Variants in STAB1 observed in about 807,000 individuals in gnomAD.
STAB1 encodes the protein stabilin-1.
In STAB1, 250 loss-of-function variants were observed where a neutral mutation model predicts 332.4. The ratio of observed to expected loss-of-function variants is 0.75; its 90% confidence interval spans 0.68 to 0.84. The LOEUF (loss-of-function observed/expected upper bound fraction) is 0.84, where lower values mean the gene tolerates loss of function less well. Ranked by LOEUF, STAB1 falls within the 40% of genes least tolerant of loss-of-function variation. STAB1 has a pLI of 0.00. For synonymous variants in STAB1, 1,475 were observed against 1,390.4 expected, an observed-to-expected ratio of 1.06 and a Z score of -1.35; for missense variants, 3,249 against 3,489.7, an observed-to-expected ratio of 0.93 and a Z score of 1.74.
intron 45 of STAB1, 126 bp from the exon 46 acceptor site, chr3:52,518,186 C>G: frequency 6.6e-7 from 1 of 1,504,136 alleles, no homozygotes. Context: ...CTGACCCCAA[C>G]TCAGACCCCG....
chr3:52,505,608 C>A, intron 14 of STAB1, 60 bp from the exon 15 acceptor site: 1 of 1,545,752 alleles, frequency 6.5e-7, no homozygotes, highest in Non-Finnish European at 8.8e-7. Flanking sequence ...AGGGCCCAGG[C>A]AGGACTCAGA....
Position 52,502,981 on chromosome 3 carries a change from T to C in STAB1, c.584-18T>C. ...AGCCTGGGCTTGGGCTCATCAGTGCTCTCTCCACTCTGCGCAGAGCTGCCC... is the reference window on the plus strand; with the variant it reads ...AGCCTGGGCTTGGGCTCATCAGTGCCCTCTCCACTCTGCGCAGAGCTGCCC... On this transcript the variant is annotated intron_variant, in intron 6 of 68. Coordinates refer to ENST00000321725, the MANE Select transcript of STAB1 (RefSeq NM_015136.3). The C allele has an allele frequency of 6.5e-7, 1 of 1,534,082 alleles. No individual in the cohort carries two copies.
rs149349003 is a variant in STAB1, at chr3:52,519,474, G to A, written c.5176-31G>A. The A allele has an allele frequency of 1.7e-3, 2,745 of 1,613,004 alleles. 5 individuals carry two copies. The highest frequency in any genetic ancestry group is 2.2e-3 in the Non-Finnish European group (2,550 of 1,179,874). The stretch of plus-strand genomic sequence containing the variant: ...GGCCTGGGATCCTCCCTTCCCGCCT[G>A]GCCTAGCTGTTTATGAGAGCCTTTC... On this transcript the variant is annotated intron_variant, in intron 49 of 68. Transcript: ENST00000321725.
At chr3:52,515,924 G>A (rs2078845615) in intron 37 of STAB1, 119 bp from the exon 38 acceptor site, 2 of 1,147,510 alleles carry the variant, frequency 1.7e-6, no homozygotes, top group African/African-American at 1.6e-5. Flanking sequence ...TCATCCCTGG[G>A]ACTGGGGTTC....
At chr3:52,508,220 G>A in intron 20 of STAB1, 53 bp from the exon 21 acceptor site, 1 of 1,547,638 alleles carries the variant, frequency 6.5e-7, no homozygotes, top group Non-Finnish European at 8.8e-7. Context: ...GGCAGCCTGG[G>A]CAGGGAGGGC....
chr3:52,495,449 C>A lies in STAB1; in HGVS notation c.36C>A (p.Leu12=). The part of the protein sequence containing the change: ...AGPRGLLPLC[L]LAFCLAGFSF... ...CCCGGGGCCTCCTCCCACTCTGCCT[C>A]CTGGCCTTCTGCCTGGCAGGCTTCA... Residue 12 remains leucine, a synonymous_variant, in exon 1 of 69, where the codon CTC becomes CTA. Coordinates refer to ENST00000321725, the MANE Select transcript of STAB1 (RefSeq NM_015136.3). 7.4e-7 allele frequency: 1 copy of A among 1,344,644 alleles called. No homozygotes were observed. Among genetic ancestry groups the A allele is most frequent in the South Asian group, 2.4e-5 (1 of 41,100 alleles). 83.3% of individuals were successfully genotyped at this position (1,344,644 alleles called of 1,614,324 possible).
In STAB1 at chr3:52,523,048, G is replaced by A. The variant is rs1416754179; in HGVS notation, c.6934G>A (p.Gly2312Ser). The change falls in exon 63 of 69, where the codon GGC becomes AGC. Residue 2312 changes from glycine to serine, a missense_variant. Coordinates refer to ENST00000321725, the MANE Select transcript of STAB1 (RefSeq NM_015136.3). The part of the protein sequence containing the change: ...VQDVACRCRN[G>S]FVGDGISTCN... ...AGATGTGGCCTGCCGATGCCGAAAT[G>A]GCTTCGTGGGTGACGGGATCAGCAC... 1.3e-6 allele frequency: 2 copies of A among 1,570,566 alleles called. No homozygotes were observed. Among genetic ancestry groups the A allele is most frequent in the East Asian group, 2.2e-5 (1 of 44,474 alleles).
In STAB1 at chr3:52,502,227, G is replaced by A. The variant is rs201092493; in HGVS notation, c.486G>A (p.Ser162=). The A allele has an allele frequency of 5.5e-5, 88 of 1,611,144 alleles. 1 individual carries two copies. In the East Asian group the frequency reaches 1.1e-3, roughly 20 times the overall value. The change falls in exon 5 of 69, where the codon TCG becomes TCA. Residue 162 remains serine (S), a splice_region_variant and synonymous_variant. Transcript: ENST00000321725. The part of the protein sequence containing the change: ...DPNRFGPDCQ[S]VCSCVHGVCN... ...ACCGGTTCGGGCCTGACTGCCAATCGGGTGAGTGCTTAAAAGGCAAGAGGG... is the reference window on the plus strand; with the variant it reads ...ACCGGTTCGGGCCTGACTGCCAATCAGGTGAGTGCTTAAAAGGCAAGAGGG...
chr3:52,518,643 G>A, intron 47 of STAB1, 30 bp downstream of exon 47: 1 of 1,611,066 alleles, frequency 6.2e-7, no homozygotes, highest in Non-Finnish European at 8.5e-7. Context: ...AGGCTGGGCA[G>A]GGCTGGGTGC....
At chr3:52,512,299 C>T (rs1293537033) in intron 26 of STAB1, 42 bp from the exon 27 acceptor site, 2 of 1,586,700 alleles carry the variant, frequency 1.3e-6, no homozygotes, top group Non-Finnish European at 1.7e-6. Context: ...GCCCAGCTGC[C>T]ATCTGGTTCT....
At position 52,512,377 on chromosome 3, in the gene STAB1, T is replaced by C; in HGVS notation, c.2920T>C (p.Cys974Arg). The C allele has an allele frequency of 3.1e-6, 5 of 1,611,730 alleles. No homozygotes were observed. Among genetic ancestry groups the C allele is most frequent in the Non-Finnish European group, 4.2e-6 (5 of 1,179,262 alleles). ...CRAVGGGQRV[C>R]TCPPGFGGDG... Reference sequence around the variant, plus strand: ...GGCAGTGGGGGGAGGTCAGCGGGTCTGCACGTGCCCCCCTGGCTTTGGGGG... The same window carrying C: ...GGCAGTGGGGGGAGGTCAGCGGGTCCGCACGTGCCCCCCTGGCTTTGGGGG... The change falls in exon 27 of 69, where the codon TGC becomes CGC. Residue 974 changes from cysteine to arginine, a missense_variant. Physicochemically the swap from Cys to Arg is radical, Grantham distance 180. Transcript: ENST00000321725.
At position 52,506,779 on chromosome 3, in the gene STAB1, A is replaced by G; in HGVS notation, c.1918A>G (p.Ile640Val). The G allele has an allele frequency of 6.2e-7, 1 of 1,613,202 alleles. No homozygotes were observed. The highest frequency in any genetic ancestry group is 8.5e-7 in the Non-Finnish European group (1 of 1,179,944). Residue 640 changes from isoleucine (I) to valine (V), a missense_variant, in exon 18 of 69, where the codon ATC becomes GTC. By Grantham distance (29) the Ile-to-Val change is conservative. Coordinates refer to ENST00000321725, the MANE Select transcript of STAB1 (RefSeq NM_015136.3). ...ANGVIHMLDG[I>V]LLPPTILPIL... is the part of the protein sequence containing the mutation. ...TGGTGTGATCCACATGCTGGACGGCATCCTGCTGCCCCCGACCATCCTGCC... is the reference window on the plus strand; with the variant it reads ...TGGTGTGATCCACATGCTGGACGGCGTCCTGCTGCCCCCGACCATCCTGCC...
intron 14 of STAB1, 54 bp from the exon 15 acceptor site, chr3:52,505,614 T>G: frequency 1.3e-6 from 2 of 1,571,900 alleles, no homozygotes; most frequent in Non-Finnish European, 1.7e-6. Flanking sequence ...CAGGCAGGAC[T>G]CAGAGGTGGA....
intron 1 of STAB1, among the ~76,000 whole-genome samples, chr3:52,499,987 C>T (rs1319330038): frequency 6.6e-6 from 1 of 150,916 alleles, no homozygotes; most frequent in Non-Finnish European, 1.5e-5. Flanking sequence ...GCAGGAGGAT[C>T]GCCTGAGCCC....
chr3:52,501,273 G>A lies in STAB1; in HGVS notation c.186G>A (p.Glu62=). 6.2e-7 allele frequency: 1 copy of A among 1,613,530 alleles called. No individual in the cohort carries two copies. The highest frequency in any genetic ancestry group is 8.5e-7 in the Non-Finnish European group (1 of 1,180,012). ...CGTGTCCCTCAGGCTGGCTGCGGGA[G>A]CTCCCGGATCAGATAACCCAGGACT... ...KQTCPSGWLR[E]LPDQITQDCR... Residue 62 remains glutamate, a synonymous_variant, in exon 2 of 69, where the codon GAG becomes GAA. Coordinates refer to ENST00000321725, the MANE Select transcript of STAB1 (RefSeq NM_015136.3).
chr3:52,507,941 C>G lies in STAB1; in HGVS notation c.2063C>G (p.Pro688Arg). 6.2e-7 allele frequency: 1 copy of G among 1,613,504 alleles called. No homozygotes were observed. Among genetic ancestry groups the G allele is most frequent in the Non-Finnish European group, 8.5e-7 (1 of 1,179,898 alleles). ...PPNSVKLDIF[P>R]KECVYIHDPT... ...CATGGCCCACCCTAGGACATCTTCC[C>G]CAAGGAGTGTGTCTACATCCATGAC... The change falls in exon 20 of 69, where the codon CCC becomes CGC. Residue 688 changes from proline to arginine, a missense_variant. Physicochemically the swap from Pro to Arg is moderately radical, Grantham distance 103. Coordinates refer to ENST00000321725, the MANE Select transcript of STAB1 (RefSeq NM_015136.3).
At chr3:52,511,384 G>A (rs928166955) in intron 25 of STAB1, among the ~76,000 whole-genome samples, 1 of 152,194 alleles carries the variant, frequency 6.6e-6, no homozygotes, top group Non-Finnish European at 1.5e-5. Context: ...AGGGCCCCAG[G>A]CTCCAAGTGC....
intron 50 of STAB1, 180 bp downstream of exon 50, chr3:52,519,744 TG>T (rs1189790103): frequency 2.6e-6 from 3 of 1,136,110 alleles, no homozygotes; most frequent in Admixed American, 2.2e-5. Flanking sequence ...GTTGAGCACA[TG>T]GGTGTGCTTA....
chr3:52,512,218 G>T (rs937227479), intron 26 of STAB1, 123 bp from the exon 27 acceptor site: 7 of 895,362 alleles, frequency 7.8e-6, no homozygotes, highest in Non-Finnish European at 1.3e-5. Context: ...ACACAGACTG[G>T]GTGGCTGCAG....
Sources: gnomAD v4.1 joint callset for allele counts (sites outside exome capture counted in the v4.1 genomes callset) on GRCh38, gnomAD v4.1.1 for gene constraint, MANE v1.5 for transcripts, NCBI Gene and HGNC (gene_info 2026-07-23, HGNC 2026-07-21) for gene names.